Variants in GSK3B observed in about 807,000 individuals in gnomAD.
GSK3B encodes the protein glycogen synthase kinase 3 beta, also known as glycogen synthase kinase-3 beta.
GSK3B carries 15 observed loss-of-function variants against 56.4 expected under a neutral mutation model. The observed-to-expected ratio is 0.27, with a 90% CI of 0.18 to 0.41. The LOEUF is 0.41. Ranked by LOEUF, GSK3B falls within the 10% of genes least tolerant of loss-of-function variation. The pLI, the probability that GSK3B is intolerant of heterozygous loss-of-function variation, is 1.00. For synonymous variants in GSK3B, 181 were observed against 188.9 expected (o/e 0.96, Z 0.34); for missense variants, 300 against 513.4 (o/e 0.58, Z 4.02).
intron 1 of GSK3B, among the ~76,000 whole-genome samples, chr3:120,077,756 T>C (rs2058379812): frequency 6.6e-6 from 1 of 152,122 alleles, no homozygotes; most frequent in African/African-American, 2.4e-5. Context: ...TCATGTTGTA[T>C]ATCTTAAATA....
intron 10 of GSK3B, among the ~76,000 whole-genome samples, chr3:119,842,340 C>A (rs900633956): frequency 6.6e-6 from 1 of 152,042 alleles, no homozygotes; most frequent in Non-Finnish European, 1.5e-5. Flanking sequence ...ATATAAGAGT[C>A]TTGTCACATT....
At chr3:120,062,238 T>G (rs1418869352) in intron 1 of GSK3B, among the ~76,000 whole-genome samples, 1 of 152,232 alleles carries the variant, frequency 6.6e-6, no homozygotes, top group Admixed American at 6.5e-5. Context: ...AAAAATATTT[T>G]AAAGTGAACT....
chr3:120,028,779 G>C (rs1357013003), intron 1 of GSK3B: 1 of 467,372 alleles, frequency 2.1e-6, no homozygotes, highest in Admixed American at 2.4e-5. Context: ...TTGGGGCAGC[G>C]ACCAGGCGTG....
At chr3:119,888,187 T>TC (rs2056461278) in intron 7 of GSK3B, among the ~76,000 whole-genome samples, 1 of 152,044 alleles carries the variant, frequency 6.6e-6, no homozygotes, top group South Asian at 2.1e-4. Flanking sequence ...GTATGATATT[T>TC]CCCCCTCATT....
intron 1 of GSK3B, among the ~76,000 whole-genome samples, chr3:120,052,781 G>A (rs2058161072): frequency 1.3e-5 from 2 of 152,022 alleles, no homozygotes; most frequent in Admixed American, 6.5e-5. Context: ...AAATCCTGGA[G>A]GCAGGGAGAA....
intron 1 of GSK3B, among the ~76,000 whole-genome samples, chr3:120,084,118 T>A (rs901642789): frequency 6.6e-6 from 1 of 152,202 alleles, no homozygotes; most frequent in African/African-American, 2.4e-5. Flanking sequence ...GTATGTGAAT[T>A]ATATCTCAAT....
intron 3 of GSK3B, among the ~76,000 whole-genome samples, chr3:119,939,371 C>T (rs2057025570): frequency 6.6e-6 from 1 of 152,004 alleles, no homozygotes; most frequent in Non-Finnish European, 1.5e-5. Flanking sequence ...TGGAATTTAC[C>T]TTTTAGGTAA....
intron 3 of GSK3B, among the ~76,000 whole-genome samples, chr3:119,940,734 A>G (rs1340271551): frequency 1.3e-5 from 2 of 152,110 alleles, no homozygotes; most frequent in East Asian, 3.9e-4. Context: ...AAAACCTAAT[A>G]AAACACCCAA....
chr3:120,016,063 C>T (rs1405760378), intron 1 of GSK3B, among the ~76,000 whole-genome samples: 3 of 152,138 alleles, frequency 2.0e-5, no homozygotes, highest in African/African-American at 7.2e-5. Context: ...TTTAGAGCAT[C>T]AATATGCAGC....
chr3:119,950,188 T>A (rs2057143526), intron 2 of GSK3B, among the ~76,000 whole-genome samples: 1 of 152,264 alleles, frequency 6.6e-6, no homozygotes, highest in Non-Finnish European at 1.5e-5. Context: ...TGATGATTTA[T>A]GTCAAAAGCT....
intron 7 of GSK3B, among the ~76,000 whole-genome samples, chr3:119,896,503 G>T (rs2056568266): frequency 6.6e-6 from 1 of 151,928 alleles, no homozygotes; most frequent in South Asian, 2.1e-4. Flanking sequence ...GTTCTTTGTA[G>T]CATCACAAGC....
intron 2 of GSK3B, among the ~76,000 whole-genome samples, chr3:119,947,897 GA>G (rs1576221286): frequency 6.8e-6 from 1 of 146,506 alleles, no homozygotes; most frequent in East Asian, 2.0e-4. Context: ...AGAAAGAAAA[GA>G]AAAGAAATTA....
At chr3:119,992,835 A>G (rs1034543019) in intron 2 of GSK3B, among the ~76,000 whole-genome samples, 1 of 152,136 alleles carries the variant, frequency 6.6e-6, no homozygotes, top group Non-Finnish European at 1.5e-5. Context: ...AAGATGTTAA[A>G]GTGTACTCAA....
intron 10 of GSK3B, among the ~76,000 whole-genome samples, chr3:119,831,656 C>CAAA (rs112424726): frequency 5.1e-5 from 4 of 78,170 alleles, no homozygotes; most frequent in Admixed American, 1.4e-4. Flanking sequence ...GACTCCGTCT[C>CAAA]AAAAAAAAAA....
intron 2 of GSK3B, among the ~76,000 whole-genome samples, chr3:119,971,600 A>ATTTTTT (rs1226171278): frequency 1.0e-5 from 1 of 96,616 alleles, no homozygotes; most frequent in African/African-American, 5.5e-5. Flanking sequence ...TATTTGCAAT[A>ATTTTTT]ATTTTTTTTT....
chr3:119,950,380 TGAAGATCTAGG>T (rs1359888300), intron 2 of GSK3B, among the ~76,000 whole-genome samples: 1 of 152,124 alleles, frequency 6.6e-6, no homozygotes, highest in African/African-American at 2.4e-5. Context: ...AAGAACCATG[TGAAGATCTAGG>T]GAAGATGGTT....
intron 1 of GSK3B, among the ~76,000 whole-genome samples, chr3:120,011,686 C>G (rs974657335): frequency 6.6e-6 from 1 of 152,166 alleles, no homozygotes; most frequent in Non-Finnish European, 1.5e-5. Flanking sequence ...TGGGGGATGA[C>G]TTGGCATGAA....
At chr3:119,962,882 G>C (rs1034424472) in intron 2 of GSK3B, among the ~76,000 whole-genome samples, 2 of 152,096 alleles carry the variant, frequency 1.3e-5, no homozygotes, top group African/African-American at 4.8e-5. Context: ...GTCACAATAG[G>C]GTTCATGTTC....
intron 9 of GSK3B, among the ~76,000 whole-genome samples, chr3:119,848,337 C>G (rs1281416037): frequency 6.6e-6 from 1 of 152,134 alleles, no homozygotes; most frequent in Admixed American, 6.5e-5. Flanking sequence ...TAACAAGCTA[C>G]AGGAGGACAT....
Sources: allele counts gnomAD v4.1 joint callset (sites outside exome capture counted in the v4.1 genomes callset), GRCh38; gene constraint gnomAD v4.1.1; transcripts MANE v1.5; gene names NCBI Gene and HGNC (gene_info 2026-07-23, HGNC 2026-07-21).